Variants in ZBTB7C observed in about 807,000 individuals in gnomAD.
ZBTB7C encodes the protein zinc finger and BTB domain containing 7C.
In ZBTB7C, 8 loss-of-function variants were observed where a neutral mutation model predicts 25.7. The observed-to-expected ratio is 0.31, with a 90% confidence interval of 0.18 to 0.56. The LOEUF (loss-of-function observed/expected upper bound fraction) is 0.56, where lower values mean the gene tolerates loss of function less well. Among genes scored for constraint, ZBTB7C ranks in the 20% least tolerant of loss-of-function variants. The pLI, the probability that ZBTB7C is intolerant of heterozygous loss-of-function variation, is 0.91. For missense variants in ZBTB7C, 824 were observed against 855.2 expected, an observed-to-expected ratio of 0.96 and a Z score of 0.46; for synonymous variants, 394 against 369.0, an observed-to-expected ratio of 1.07 and a Z score of -0.78.
At chr18:48,206,032 A>C (rs2042569064) in intron 2 of ZBTB7C, among the ~76,000 whole-genome samples, 1 of 152,220 alleles carries the variant, frequency 6.6e-6, no homozygotes, top group South Asian at 2.1e-4. Context: ...ATGCAGGTCC[A>C]GTCAAAATCC....
intron 2 of ZBTB7C, among the ~76,000 whole-genome samples, chr18:48,247,883 G>T (rs1378127128): frequency 6.6e-6 from 1 of 152,160 alleles, no homozygotes; most frequent in African/African-American, 2.4e-5. Context: ...ATATGTTTTG[G>T]CTGTGTCCTC....
intron 3 of ZBTB7C, among the ~76,000 whole-genome samples, chr18:48,087,146 C>G (rs190808295): frequency 9.2e-4 from 140 of 152,308 alleles, no homozygotes; most frequent in South Asian, 3.9e-3. Context: ...GGATCCTCAG[C>G]CTTGGTTGCC....
At position 48,039,965 on chromosome 18, in the gene ZBTB7C, C is replaced by T; in HGVS notation, c.1143G>A (p.Arg381=). ...KVIMGAGKLP[R]HMRTHTGEKP... ...TCTCCCCGGTATGGGTCCTCATGTGCCGCGGCAGCTTCCCGGCCCCCATGA... is the reference window on the plus strand; with the variant it reads ...TCTCCCCGGTATGGGTCCTCATGTGTCGCGGCAGCTTCCCGGCCCCCATGA... Residue 381 remains arginine (R), a synonymous_variant, in exon 4 of 5, where the codon CGG becomes CGA. Coordinates refer to ENST00000590800, the MANE Select transcript of ZBTB7C (RefSeq NM_001318841.2). 6.2e-7 allele frequency: 1 copy of T among 1,613,994 alleles called. No homozygotes were observed. Among genetic ancestry groups the T allele is most frequent in the Non-Finnish European group, 8.5e-7 (1 of 1,180,052 alleles).
At chr18:48,073,458 G>A (rs1351574482) in intron 3 of ZBTB7C, among the ~76,000 whole-genome samples, 1 of 152,130 alleles carries the variant, frequency 6.6e-6, no homozygotes, top group African/African-American at 2.4e-5. Context: ...CTTTATTTGT[G>A]GGCTTGGGTG....
At chr18:48,224,872 T>C (rs1196534333) in intron 2 of ZBTB7C, among the ~76,000 whole-genome samples, 1 of 152,248 alleles carries the variant, frequency 6.6e-6, no homozygotes, top group Non-Finnish European at 1.5e-5. Context: ...AACTGGGTTC[T>C]ATATACTCTG....
intron 3 of ZBTB7C, among the ~76,000 whole-genome samples, chr18:48,163,533 G>A (rs1201790198): frequency 6.6e-6 from 1 of 152,208 alleles, no homozygotes; most frequent in Non-Finnish European, 1.5e-5. Context: ...GCTCCCCAAA[G>A]TAGCTCAGGA....
chr18:48,060,455 G>A (rs2037085597), intron 3 of ZBTB7C, among the ~76,000 whole-genome samples: 1 of 151,948 alleles, frequency 6.6e-6, no homozygotes, highest in Admixed American at 6.6e-5. Flanking sequence ...CTTTCACTGT[G>A]GGAGCCCATG....
intron 2 of ZBTB7C, among the ~76,000 whole-genome samples, chr18:48,319,447 C>T (rs1303137308): frequency 6.6e-6 from 1 of 152,098 alleles, no homozygotes; most frequent in Non-Finnish European, 1.5e-5. Context: ...ATGTTAGCTA[C>T]GATTATGACC....
At chr18:48,231,329 GC>G (rs1295710770) in intron 2 of ZBTB7C, among the ~76,000 whole-genome samples, 1 of 152,148 alleles carries the variant, frequency 6.6e-6, no homozygotes, top group Non-Finnish European at 1.5e-5. Flanking sequence ...CCCCTCTGAA[GC>G]CCATAAAAAC....
intron 1 of ZBTB7C, among the ~76,000 whole-genome samples, chr18:48,404,715 C>A (rs2145328822): frequency 6.6e-6 from 1 of 152,326 alleles, no homozygotes; most frequent in South Asian, 2.1e-4. Context: ...ACTTTGCCTT[C>A]CCAACATCCC....
chr18:48,325,298 A>T (rs1302166467), intron 2 of ZBTB7C, among the ~76,000 whole-genome samples: 1 of 152,192 alleles, frequency 6.6e-6, no homozygotes, highest in Non-Finnish European at 1.5e-5. Context: ...TATTACTATT[A>T]CCTTATCAGA....
intron 2 of ZBTB7C, among the ~76,000 whole-genome samples, chr18:48,266,985 A>ACT (rs1467419600): frequency 1.3e-5 from 2 of 152,266 alleles, no homozygotes; most frequent in Admixed American, 1.3e-4. Flanking sequence ...ATTACATAGC[A>ACT]CTCTATAGCT....
intron 2 of ZBTB7C, among the ~76,000 whole-genome samples, chr18:48,295,413 G>A (rs1342878925): frequency 6.6e-6 from 1 of 152,120 alleles, no homozygotes. Flanking sequence ...CCTCTTCGTG[G>A]GGTGCTCCTT....
At chr18:48,321,774 G>A (rs1333326690) in intron 2 of ZBTB7C, among the ~76,000 whole-genome samples, 1 of 152,164 alleles carries the variant, frequency 6.6e-6, no homozygotes, top group African/African-American at 2.4e-5. Context: ...CTGAAGATGG[G>A]CTGCACGGTG....
At chr18:48,305,990 C>G (rs1383942186) in intron 2 of ZBTB7C, among the ~76,000 whole-genome samples, 1 of 152,222 alleles carries the variant, frequency 6.6e-6, no homozygotes, top group Non-Finnish European at 1.5e-5. Context: ...AAAATACAAA[C>G]AAACAGAGCC....
intron 2 of ZBTB7C, among the ~76,000 whole-genome samples, chr18:48,267,777 A>G (rs1380885230): frequency 6.6e-6 from 1 of 152,104 alleles, no homozygotes; most frequent in Non-Finnish European, 1.5e-5. Context: ...TGACCCTTAC[A>G]CCACGTGAGA....
intron 2 of ZBTB7C, among the ~76,000 whole-genome samples, chr18:48,238,771 T>C (rs955144660): frequency 6.6e-6 from 1 of 152,214 alleles, no homozygotes; most frequent in African/African-American, 2.4e-5. Context: ...GATGTTTTCC[T>C]GGGCAGAATG....
Position 48,307,474 on chromosome 18 carries a change from C to T in ZBTB7C, c.-79+30700G>A, listed in dbSNP as rs544208429. Among the ~76,000 whole-genome samples the T allele has an allele frequency of 2.9e-4, 44 of 152,320 alleles. No homozygotes were observed. In the South Asian group the frequency reaches 3.9e-3, roughly 14 times the overall value. On this transcript the variant is annotated intron_variant, in intron 2 of 4. Coordinates refer to ENST00000590800, the MANE Select transcript of ZBTB7C (RefSeq NM_001318841.2). ...GGCTACCAAGTCCCAGACTCTTAGACCTGAGCACTTCCAGCTAGACGACTT... is the reference window on the plus strand; with the variant it reads ...GGCTACCAAGTCCCAGACTCTTAGATCTGAGCACTTCCAGCTAGACGACTT...
At chr18:48,262,589 C>T (rs2044202970) in intron 2 of ZBTB7C, among the ~76,000 whole-genome samples, 1 of 152,052 alleles carries the variant, frequency 6.6e-6, no homozygotes, top group South Asian at 2.1e-4. Flanking sequence ...TGGAGTAAGC[C>T]CTACAGACTT....
Sources: allele counts gnomAD v4.1 joint callset (sites outside exome capture counted in the v4.1 genomes callset), GRCh38; gene constraint gnomAD v4.1.1; transcripts MANE v1.5; gene names NCBI Gene and HGNC (gene_info 2026-07-23, HGNC 2026-07-21).